The following ALOX15 variants were observed in gnomAD, a reference collection of about 807,000 sequenced individuals.
The protein encoded by ALOX15 is arachidonate 15-lipoxygenase.
In ALOX15, 68 loss-of-function variants were observed where a neutral mutation model predicts 71.7. That is an observed-to-expected ratio of 0.95 (90% confidence interval 0.78 to 1.16). The LOEUF (loss-of-function observed/expected upper bound fraction) is 1.16, where lower values mean the gene tolerates loss of function less well. ALOX15 is among the 50% of genes most tolerant of loss of function. ALOX15 has a pLI of 0.00. For missense variants in ALOX15, 798 were observed against 818.8 expected, an observed-to-expected ratio of 0.97 and a Z score of 0.31; for synonymous variants, 346 against 333.3, an observed-to-expected ratio of 1.04 and a Z score of -0.42.
Position 4,632,954 on chromosome 17 carries a change from A to G in ALOX15, c.1447T>C (p.Tyr483His), listed in dbSNP as rs568434805. The G allele has an allele frequency of 1.2e-6, 2 of 1,614,114 alleles. No homozygotes were observed. Among genetic ancestry groups the G allele is most frequent in the African/African-American group, 1.3e-5 (1 of 75,004 alleles). The change falls in exon 11 of 14, where the codon TAT (tyrosine) becomes CAT (histidine). Residue 483 changes from tyrosine (Y) to histidine (H), a missense_variant. Physicochemically the swap from Tyr to His is moderately conservative, Grantham distance 83. Around this residue, in one of 3 missense-constraint regions of ALOX15, gnomAD observed 490 missense variants for 509.4 expected, o/e 0.96. Transcript: ENST00000293761. ...RYVEGIVSLH[Y>H]KTDVAVKDDP... ...TCTTTCACAGCCACGTCTGTCTTAT[A>G]GTGGAGACTCACGATTCCTTCCACA...
In ALOX15 at chr17:4,632,901, T is replaced by C. The variant is rs1314064231; in HGVS notation, c.1500A>G (p.Arg500=). The C allele has an allele frequency of 3.7e-6, 6 of 1,613,998 alleles. No individual in the cohort carries two copies. Among genetic ancestry groups the C allele is most frequent in the Non-Finnish European group, 4.2e-6 (5 of 1,180,014 alleles). The change falls in exon 11 of 14, where the codon CGA becomes CGG. Residue 500 remains arginine (R), a synonymous_variant. Transcript: ENST00000293761. ...CTTGCAGCCCGATTTCAGTGATCTCTCGACACCAGGTCTGCAGCTCTGGGT... is the reference window on the plus strand; with the variant it reads ...CTTGCAGCCCGATTTCAGTGATCTCCCGACACCAGGTCTGCAGCTCTGGGT... ...KDDPELQTWC[R]EITEIGLQGA...
At position 4,641,635 on chromosome 17, in the gene ALOX15, A is replaced by G; in HGVS notation, c.17T>C (p.Ile6Thr). MGLYR[I>T]RVSTGASLYA... ...GAGCGAGGCCCCAGTGGACACGCGG[A>G]TGCGGTAGAGACCCATCTTGCTCAA... The change falls in exon 1 of 14, where the codon ATC (isoleucine) becomes ACC (threonine). Residue 6 changes from isoleucine to threonine, a missense_variant. Ile to Thr is a moderately conservative substitution (Grantham distance 89, BLOSUM62 -1). Around this residue, in one of 3 missense-constraint regions of ALOX15, gnomAD observed 300 missense variants for 283.1 expected, o/e 1.06. Transcript: ENST00000293761. 6.2e-7 allele frequency: 1 copy of G among 1,613,614 alleles called. No homozygotes were observed. Among genetic ancestry groups the G allele is most frequent in the Non-Finnish European group, 8.5e-7 (1 of 1,180,002 alleles).
chr17:4,631,295 CT>C lies in ALOX15; in HGVS notation c.*304del, dbSNP rs1436880969. The C allele has an allele frequency of 3.3e-5, 13 of 389,260 alleles. No homozygotes were observed. Among genetic ancestry groups the C allele is most frequent in the African/African-American group, 1.0e-4 (5 of 49,494 alleles). The allele number at this position is 389,260 out of a possible 1,614,324, so 24.1% of individuals were successfully genotyped here. A position where few individuals can be genotyped will look rare whatever the true frequency, so the allele number is the denominator to read the frequency against. On this transcript the variant is annotated 3_prime_UTR_variant, in exon 14 of 14. Coordinates refer to ENST00000293761, the MANE Select transcript of ALOX15 (RefSeq NM_001140.5). Reference sequence around the variant, plus strand: ...GTGGAGTAATATGTATTATATCCCCCTATTCTAGTCTTGAAATGATTTATAT... The same window carrying C: ...GTGGAGTAATATGTATTATATCCCCCATTCTAGTCTTGAAATGATTTATAT...
In ALOX15 at chr17:4,635,910, G is replaced by C; in HGVS notation, c.1010C>G (p.Pro337Arg). Reference protein sequence around the residue: ...PPPLFLPTDPPMAWLLAKCWV... With the variant: ...PPPLFLPTDPRMAWLLAKCWV... ...GCATTTGGCCAGAAGCCAGGCCATT[G>C]GGGGATCCGTAGGCAAGAAAAGGGG... The change falls in exon 8 of 14, where the codon CCA becomes CGA. Residue 337 changes from proline (P) to arginine (R), a missense_variant. By Grantham distance (103) the Pro-to-Arg change is moderately radical (BLOSUM62 -2). This residue lies in a region of ALOX15 where 490 missense variants were observed against 509.4 expected (regional missense o/e 0.96). Coordinates refer to ENST00000293761, the MANE Select transcript of ALOX15 (RefSeq NM_001140.5). The C allele has an allele frequency of 6.2e-7, 1 of 1,614,234 alleles. No homozygotes were observed. The highest frequency in any genetic ancestry group is 2.2e-5 in the East Asian group (1 of 44,894).
chr17:4,634,121 G>A lies in ALOX15; in HGVS notation c.1162-621C>T, dbSNP rs533276290. ...GGTGACAAAATAATCTGTACACCAAGCCCCATGACACACAATTTACTTACA... is the reference window on the plus strand; with the variant it reads ...GGTGACAAAATAATCTGTACACCAAACCCCATGACACACAATTTACTTACA... On this transcript the variant is annotated intron_variant, in intron 8 of 13. Coordinates refer to ENST00000293761, the MANE Select transcript of ALOX15 (RefSeq NM_001140.5). Among the ~76,000 whole-genome samples the A allele has an allele frequency of 3.3e-5, 5 of 152,252 alleles. No homozygotes were observed. In the East Asian group the frequency reaches 9.6e-4, roughly 29 times the overall value.
Sources: gnomAD v4.1 joint callset for allele counts (sites outside exome capture counted in the v4.1 genomes callset) on GRCh38, gnomAD v4.1.1 for gene constraint, gnomAD v4.1.1 regional missense constraint, MANE v1.5 for transcripts, NCBI Gene and HGNC (gene_info 2026-07-23, HGNC 2026-07-21) for gene names.